The following CMPK1 variants were observed in gnomAD, a reference collection of about 807,000 sequenced individuals.
The protein encoded by CMPK1 is UMP-CMP kinase.
A neutral mutation model predicts 25.7 loss-of-function variants in CMPK1; 10 were observed. The ratio of observed to expected loss-of-function variants is 0.39; its 90% CI spans 0.24 to 0.66. The LOEUF is 0.66. Among genes scored for constraint, CMPK1 ranks in the 30% least tolerant of loss-of-function variants. The pLI is 0.48. For missense variants in CMPK1, 199 were observed against 280.5 expected (o/e 0.71, Z 2.08); for synonymous variants, 106 against 101.5 (o/e 1.04, Z -0.27).
chr1:47,372,128 C>CTGT (rs929511857), intron 2 of CMPK1, among the ~76,000 whole-genome samples: 3 of 149,848 alleles, frequency 2.0e-5, no homozygotes, highest in African/African-American at 7.4e-5. Flanking sequence ...GTCTCTCACT[C>CTGT]TGTCCGCCAG....
At chr1:47,336,718 G>T (rs1157086540) in intron 1 of CMPK1, among the ~76,000 whole-genome samples, 1 of 152,074 alleles carries the variant, frequency 6.6e-6, no homozygotes, top group Admixed American at 6.6e-5. Flanking sequence ...TAGAAACCAG[G>T]GCTCACTATA....
At chr1:47,358,401 C>A in intron 1 of CMPK1, 1 of 1,271,494 alleles carries the variant, frequency 7.9e-7, no homozygotes, top group Non-Finnish European at 1.0e-6. Flanking sequence ...GCATGAGCCA[C>A]AGTGCGTAGT....
rs144250749 is a variant in CMPK1 at position 47,347,259 on chromosome 1, G to C, written c.171+13143G>C. 7.9e-3 allele frequency among the ~76,000 whole-genome samples: 1,201 copies of C among 151,270 alleles called. 13 individuals carry two copies. The highest frequency in any genetic ancestry group is 0.027 in the African/African-American group (1,126 of 41,188). ...TTCATTCACTTTGTTGCCCAGGCTG[G>C]AGTGCAGTGGCACAATCATAGCTCA... On this transcript the variant is annotated intron_variant, in intron 1 of 5. Coordinates refer to ENST00000371873, the MANE Select transcript of CMPK1 (RefSeq NM_016308.3).
chr1:47,369,288 G>C (rs2622901), intron 2 of CMPK1, among the ~76,000 whole-genome samples: 1 of 151,936 alleles, frequency 6.6e-6, no homozygotes, highest in African/African-American at 2.4e-5. Flanking sequence ...TTACAGGAGA[G>C]AGCCACCACA....
intron 1 of CMPK1, among the ~76,000 whole-genome samples, chr1:47,334,976 A>G (rs1233416399): frequency 4.6e-5 from 7 of 152,164 alleles, no homozygotes; most frequent in African/African-American, 7.2e-5. Flanking sequence ...AATTCTTTTA[A>G]CAATTTTTGA....
chr1:47,353,897 A>G (rs1646538890), intron 1 of CMPK1, among the ~76,000 whole-genome samples: 1 of 152,052 alleles, frequency 6.6e-6, no homozygotes, highest in Non-Finnish European at 1.5e-5. Context: ...TTGTATTTTT[A>G]GTAGAGATGG....
At chr1:47,368,638 A>T (rs1429704392) in intron 2 of CMPK1, 23 bp downstream of exon 2, 1 of 1,508,346 alleles carries the variant, frequency 6.6e-7, no homozygotes, top group Non-Finnish European at 8.9e-7. Flanking sequence ...AATGCCAACC[A>T]GTTCAAACCA....
At chr1:47,371,944 A>G (rs1242109011) in intron 2 of CMPK1, among the ~76,000 whole-genome samples, 1 of 152,310 alleles carries the variant, frequency 6.6e-6, no homozygotes, top group Middle Eastern at 3.4e-3. Context: ...TACTCAAGGC[A>G]TAAATCTGGG....
chr1:47,358,641 T>G, intron 1 of CMPK1: 1 of 993,400 alleles, frequency 1.0e-6, no homozygotes, highest in Non-Finnish European at 1.2e-6. Flanking sequence ...TTATAAAACC[T>G]TAAGCACTCT....
chr1:47,337,252 C>T (rs1210812255), intron 1 of CMPK1, among the ~76,000 whole-genome samples: 1 of 152,132 alleles, frequency 6.6e-6, no homozygotes, highest in Non-Finnish European at 1.5e-5. Flanking sequence ...CACTGCAGTG[C>T]AGCCTGGGTG....
At chr1:47,361,578 G>C (rs1646602232) in intron 1 of CMPK1, among the ~76,000 whole-genome samples, 1 of 152,114 alleles carries the variant, frequency 6.6e-6, no homozygotes, top group Admixed American at 6.6e-5. Context: ...ACAGTGGTCT[G>C]GGTTGTAAAT....
intron 1 of CMPK1, chr1:47,358,922 T>G: frequency 1.0e-6 from 1 of 985,430 alleles, no homozygotes; most frequent in Non-Finnish European, 1.2e-6. Context: ...CTTTACATGT[T>G]GCATTTTCAA....
At chr1:47,352,454 A>C (rs1366854091) in intron 1 of CMPK1, among the ~76,000 whole-genome samples, 1 of 150,632 alleles carries the variant, frequency 6.6e-6, no homozygotes, top group Non-Finnish European at 1.5e-5. Flanking sequence ...TGTAACTGGT[A>C]TCTATATAGT....
intron 3 of CMPK1, among the ~76,000 whole-genome samples, chr1:47,374,321 T>C (rs1408942297): frequency 2.0e-5 from 3 of 152,144 alleles, no homozygotes; most frequent in Admixed American, 2.0e-4. Context: ...CCTTCCAGAG[T>C]GTTGGAATTG....
In CMPK1 at chr1:47,333,910, T is replaced by C. The variant is rs67867988; in HGVS notation, c.-36T>C. On this transcript the variant is annotated 5_prime_UTR_variant, in exon 1 of 6. Coordinates refer to ENST00000371873, the MANE Select transcript of CMPK1 (RefSeq NM_016308.3). ...CCCCGCCCCGCGCCGCGCCGGCCGC[T>C]GTCAGCTCCCTCAGCGTCCGGCCGA... The C allele has an allele frequency of 1.6e-6, 2 of 1,228,582 alleles. No homozygotes were observed. The highest frequency in any genetic ancestry group is 3.2e-4 in the Middle Eastern group (1 of 3,088). 76.1% of individuals were successfully genotyped at this position (1,228,582 alleles called of 1,614,324 possible). A position where few individuals can be genotyped will look rare whatever the true frequency, so the allele number is the denominator to read the frequency against.
rs373899143 is a variant in CMPK1 at position 47,346,275 on chromosome 1, C to T, written c.171+12159C>T. 5.3e-4 allele frequency among the ~76,000 whole-genome samples: 80 copies of T among 149,996 alleles called. No homozygotes were observed. The South Asian group carries it at 8.9e-3, about 17-fold the overall frequency. The stretch of plus-strand genomic sequence containing the variant: ...ATGTTGGCCAGGCTGGTCTCGAACT[C>T]ATGACCTCGTGATCCGCCAGCCTCA... On this transcript the variant is annotated intron_variant, in intron 1 of 5. Coordinates refer to ENST00000371873, the MANE Select transcript of CMPK1 (RefSeq NM_016308.3).
rs1335984847 is a variant in CMPK1, at chr1:47,378,735, A to G, written c.*1990A>G. 1 of 152,004 alleles carries G rather than the reference A, an allele frequency of 6.6e-6. No individual in the cohort carries two copies. Among genetic ancestry groups the G allele is most frequent in the Non-Finnish European group, 1.5e-5 (1 of 68,018 alleles). The allele number at this position is 152,004 out of a possible 1,614,324, so 9.4% of individuals were successfully genotyped here. A position where few individuals can be genotyped will look rare whatever the true frequency, so the allele number is the denominator to read the frequency against. On this transcript the variant is annotated 3_prime_UTR_variant, in exon 6 of 6. Coordinates refer to ENST00000371873, the MANE Select transcript of CMPK1 (RefSeq NM_016308.3). Reference sequence around the variant, plus strand: ...GTTTTGAGTTTTTTGAAAGACCCCAATTTAAGCCTTGCTTATTTTTAAATT... The same window carrying G: ...GTTTTGAGTTTTTTGAAAGACCCCAGTTTAAGCCTTGCTTATTTTTAAATT...
rs572931310 is a variant in CMPK1 at position 47,338,289 on chromosome 1, G to T, written c.171+4173G>T. 2.0e-5 allele frequency among the ~76,000 whole-genome samples: 3 copies of T among 152,270 alleles called. No homozygotes were observed. The East Asian group carries it at 5.8e-4, about 29-fold the overall frequency. ...TCTAAGGCACTGAAATTAGTGAAGT[G>T]GGTATTGTTAGAGGGAAGCTGGTAT... On this transcript the variant is annotated intron_variant, in intron 1 of 5. Coordinates refer to ENST00000371873, the MANE Select transcript of CMPK1 (RefSeq NM_016308.3).
At chr1:47,371,826 TGTCTC>T (rs1646679479) in intron 2 of CMPK1, among the ~76,000 whole-genome samples, 1 of 152,170 alleles carries the variant, frequency 6.6e-6, no homozygotes, top group Non-Finnish European at 1.5e-5. Context: ...TTTATTTGAA[TGTCTC>T]ACAAGTGTCT....
Sources: gnomAD v4.1 joint callset for allele counts (sites outside exome capture counted in the v4.1 genomes callset) on GRCh38, gnomAD v4.1.1 for gene constraint, MANE v1.5 for transcripts, NCBI Gene and HGNC (gene_info 2026-07-23, HGNC 2026-07-21) for gene names.